The following KLF8 variants were observed in gnomAD, a reference collection of about 807,000 sequenced individuals.
The protein encoded by KLF8 is KLF transcription factor 8.
KLF8 carries 10 observed loss-of-function variants against 18.2 expected under a neutral mutation model. That is an observed-to-expected ratio of 0.55 (90% CI 0.34 to 0.93). The LOEUF (loss-of-function observed/expected upper bound fraction) is 0.93. Among genes scored for constraint, KLF8 ranks in the 40% least tolerant of loss-of-function variants. The probability of loss-of-function intolerance (pLI) is 0.02; values close to 1 mark genes in which losing one functional copy is unlikely to be tolerated. For synonymous variants in KLF8, 109 were observed against 97.3 expected, an observed-to-expected ratio of 1.12 and a Z score of -0.71; for missense variants, 264 against 277.9, an observed-to-expected ratio of 0.95 and a Z score of 0.36.
At chrX:55,969,449 G>C in the KLF8 span, among the ~76,000 whole-genome samples, 9 of 111,513 alleles carry the variant, frequency 8.1e-5, no homozygotes, top group African/African-American at 2.3e-4. Context: ...GATGCAGTGA[G>C]AGCAGTCCTA....
the KLF8 span, among the ~76,000 whole-genome samples, chrX:56,058,430 G>A: frequency 1.0e-5 from 1 of 99,480 alleles, no homozygotes; most frequent in African/African-American, 3.7e-5. Context: ...ATGGTGGTTT[G>A]TTGCACCCAT....
chrX:55,943,932 T>A, the KLF8 span, among the ~76,000 whole-genome samples: 1 of 112,055 alleles, frequency 8.9e-6, no homozygotes, highest in East Asian at 2.8e-4. Context: ...AAATTATGCA[T>A]TGAACTCTAA....
chrX:56,153,570 C>T, the KLF8 span, among the ~76,000 whole-genome samples: 2 of 110,956 alleles, frequency 1.8e-5, no homozygotes, highest in South Asian at 3.8e-4. Flanking sequence ...ATCCCTGTCT[C>T]GTGCCAGTTT....
chrX:56,280,818 G>A (rs776011076), intron 5 of KLF8, among the ~76,000 whole-genome samples: 1 of 111,935 alleles, frequency 8.9e-6, no homozygotes, highest in Non-Finnish European at 1.9e-5. Context: ...CAATCTCGCT[G>A]TCACCTCCTT....
the KLF8 span, among the ~76,000 whole-genome samples, chrX:56,058,287 T>TACGTATATATATACATAC: frequency 1.6e-3 from 65 of 40,518 alleles, 1 homozygote; most frequent in African/African-American, 4.2e-3. Context: ...TACATATATA[T>TACGTATATATATACATAC]ATATATATAT....
the KLF8 span, among the ~76,000 whole-genome samples, chrX:55,965,896 G>A: frequency 1.8e-5 from 2 of 111,516 alleles, no homozygotes; most frequent in African/African-American, 3.3e-5. Context: ...TGGCTCAGAG[G>A]GCAGCCCACT....
chrX:55,977,129 T>C, the KLF8 span, among the ~76,000 whole-genome samples: 2 of 112,253 alleles, frequency 1.8e-5, no homozygotes. Flanking sequence ...GTCTACTTGC[T>C]CTGGCTAGGA....
the KLF8 span, among the ~76,000 whole-genome samples, chrX:56,210,635 C>T: frequency 1.7e-3 from 184 of 110,920 alleles, no homozygotes; most frequent in Non-Finnish European, 2.8e-3. Context: ...CTACCCCTAT[C>T]TCTTTCTCTA....
the KLF8 span, among the ~76,000 whole-genome samples, chrX:56,038,019 C>T: frequency 1.8e-5 from 2 of 111,262 alleles, no homozygotes; most frequent in South Asian, 7.8e-4. Flanking sequence ...CTTCTACTCT[C>T]TATGTTTATG....
intron 2 of KLF8, among the ~76,000 whole-genome samples, chrX:56,257,833 T>A (rs1309385064): frequency 1.8e-5 from 2 of 112,655 alleles, no homozygotes; most frequent in African/African-American, 6.4e-5. Context: ...AGTGCAGGTA[T>A]ATTTTTGGTA....
the KLF8 span, among the ~76,000 whole-genome samples, chrX:56,155,537 T>C: frequency 1.8e-5 from 2 of 110,890 alleles, no homozygotes; most frequent in Non-Finnish European, 3.8e-5. Flanking sequence ...CTCACCAACA[T>C]GGCACATGTA....
At chrX:55,976,023 C>T in the KLF8 span, among the ~76,000 whole-genome samples, 2 of 111,370 alleles carry the variant, frequency 1.8e-5, no homozygotes, top group Admixed American at 9.5e-5. Flanking sequence ...GCAGGAGAAT[C>T]GCTTGAACCT....
the KLF8 span, among the ~76,000 whole-genome samples, chrX:56,214,888 C>T: frequency 2.7e-5 from 3 of 112,346 alleles, no homozygotes; most frequent in Non-Finnish European, 5.6e-5. Flanking sequence ...CCTCATACTG[C>T]CTTCCTTGCA....
At chrX:56,073,283 G>T in the KLF8 span, among the ~76,000 whole-genome samples, 1 of 111,976 alleles carries the variant, frequency 8.9e-6, no homozygotes, top group Non-Finnish European at 1.9e-5. Context: ...CACTGCGCCC[G>T]GCCAGCATTA....
intron 5 of KLF8, among the ~76,000 whole-genome samples, chrX:56,270,885 C>T (rs185487288): frequency 6.5e-4 from 72 of 111,569 alleles, no homozygotes; most frequent in Admixed American, 5.5e-3. Flanking sequence ...CATACCTGAT[C>T]TGAAGAAGGA....
the KLF8 span, among the ~76,000 whole-genome samples, chrX:55,924,237 T>C: frequency 9.1e-6 from 1 of 109,765 alleles, no homozygotes; most frequent in African/African-American, 3.3e-5. Context: ...ACCTGGCTAA[T>C]TTATTTTTAT....
At chrX:56,085,422 A>G in the KLF8 span, among the ~76,000 whole-genome samples, 12 of 112,208 alleles carry the variant, frequency 1.1e-4, no homozygotes, top group African/African-American at 3.6e-4. Context: ...CCTGAGAACC[A>G]GTAGCGCCGA....
At chrX:56,032,419 C>A in the KLF8 span, among the ~76,000 whole-genome samples, 1 of 111,560 alleles carries the variant, frequency 9.0e-6, no homozygotes, top group Non-Finnish European at 1.9e-5. Context: ...TCTGTAACCA[C>A]CACTATAATC....
the KLF8 span, chrX:56,014,821 T>TG: frequency 1.1e-5 from 1 of 94,598 alleles, no homozygotes; most frequent in Non-Finnish European, 2.1e-5. Flanking sequence ...GATCATGTTT[T>TG]TTTTTTTTTT....
Sources: gnomAD v4.1 joint callset for allele counts (sites outside exome capture counted in the v4.1 genomes callset) on GRCh38, gnomAD v4.1.1 for gene constraint, MANE v1.5 for transcripts, NCBI Gene and HGNC (gene_info 2026-07-23, HGNC 2026-07-21) for gene names.